Variants in ELL observed in about 807,000 individuals in gnomAD.
ELL encodes the protein elongation factor for RNA polymerase II.
A neutral mutation model predicts 64.0 loss-of-function variants in ELL; 18 were observed. The observed-to-expected ratio is 0.28, with a 90% CI of 0.19 to 0.42. The LOEUF is 0.42. ELL is among the 10% of genes least tolerant of loss of function. The pLI, the probability that ELL is intolerant of heterozygous loss-of-function variation, is 1.00. For missense variants in ELL, 797 were observed against 870.4 expected, an observed-to-expected ratio of 0.92 and a Z score of 1.06; for synonymous variants, 399 against 376.2, an observed-to-expected ratio of 1.06 and a Z score of -0.70.
intron 4 of ELL, among the ~76,000 whole-genome samples, 192 bp downstream of exon 4, chr19:18,465,220 G>A (rs1974908604): frequency 6.6e-6 from 1 of 152,106 alleles, no homozygotes; most frequent in Non-Finnish European, 1.5e-5. Context: ...TAGCCCCCAG[G>A]CCCATGTGGC....
chr19:18,461,022 G>A (rs16982418), intron 5 of ELL, among the ~76,000 whole-genome samples: 3,933 of 152,280 alleles, frequency 0.026, 108 homozygotes, highest in African/African-American at 0.071. Context: ...AATGCCCGGG[G>A]TGTTTCTCAA....
At chr19:18,492,203 C>T (rs1056594584) in intron 1 of ELL, among the ~76,000 whole-genome samples, 6 of 152,150 alleles carry the variant, frequency 3.9e-5, no homozygotes, top group Admixed American at 1.3e-4. Flanking sequence ...CATGGGGTTA[C>T]CTACCTCTGT....
intron 1 of ELL, among the ~76,000 whole-genome samples, chr19:18,476,956 C>A (rs911653050): frequency 1.3e-5 from 2 of 152,146 alleles, no homozygotes; most frequent in African/African-American, 4.8e-5. Flanking sequence ...CTCATAAGAA[C>A]GCCATGTGGT....
rs1336304048 is a variant in ELL, at chr19:18,444,599, C to A, written c.*153G>T. On this transcript the variant is annotated 3_prime_UTR_variant, in exon 12 of 12. Transcript: ENST00000262809. ...AGGGCCGAGGTGGGCTTGCAGCCAC[C>A]CGCCAGGGCCAGACGTCTGCAGGGG... is the stretch of plus-strand genomic sequence containing the variant. 9.0e-6 allele frequency: 7 copies of A among 780,968 alleles called. No individual in the cohort carries two copies. The highest frequency in any genetic ancestry group is 6.6e-4 in the Middle Eastern group (2 of 3,010). 48.4% of individuals were successfully genotyped at this position (780,968 alleles called of 1,614,324 possible).
chr19:18,456,137 C>T (rs921628533), intron 6 of ELL, among the ~76,000 whole-genome samples: 1 of 151,784 alleles, frequency 6.6e-6, no homozygotes, highest in African/African-American at 2.4e-5. Context: ...AAGAGGAGGA[C>T]AGACTCTAGC....
chr19:18,509,589 G>GCA (rs1975962219), intron 1 of ELL, among the ~76,000 whole-genome samples: 4 of 110,144 alleles, frequency 3.6e-5, no homozygotes, highest in African/African-American at 8.8e-5. Flanking sequence ...ACGTGCGCGC[G>GCA]CGCGCACATA....
intron 1 of ELL, among the ~76,000 whole-genome samples, chr19:18,508,545 G>A (rs1244058129): frequency 6.6e-6 from 1 of 152,240 alleles, no homozygotes; most frequent in Non-Finnish European, 1.5e-5. Flanking sequence ...AGGCTTCACA[G>A]GGCTGCCTGG....
chr19:18,496,289 G>A (rs1033010557), intron 1 of ELL, among the ~76,000 whole-genome samples: 8 of 152,366 alleles, frequency 5.3e-5, no homozygotes, highest in African/African-American at 1.2e-4. Flanking sequence ...AGAGGTGGCC[G>A]GGCCACTGCC....
chr19:18,474,201 A>G (rs1018743755), intron 1 of ELL, among the ~76,000 whole-genome samples: 6 of 152,238 alleles, frequency 3.9e-5, no homozygotes, highest in African/African-American at 1.4e-4. Context: ...TGCTAGGAGC[A>G]GCGGAAGCCG....
chr19:18,516,041 G>A (rs1976120601), intron 1 of ELL, among the ~76,000 whole-genome samples: 1 of 152,174 alleles, frequency 6.6e-6, no homozygotes, highest in Non-Finnish European at 1.5e-5. Context: ...CTGAAAAGCA[G>A]GCAGGGCTGG....
At chr19:18,516,651 G>A (rs1168204910) in intron 1 of ELL, among the ~76,000 whole-genome samples, 3 of 152,092 alleles carry the variant, frequency 2.0e-5, no homozygotes, top group African/African-American at 7.2e-5. Context: ...CGAACCTCCA[G>A]GCAGGGACCA....
intron 1 of ELL, among the ~76,000 whole-genome samples, chr19:18,504,151 T>C (rs1975837479): frequency 6.6e-6 from 1 of 152,330 alleles, no homozygotes; most frequent in South Asian, 2.1e-4. Flanking sequence ...CACTTCATTT[T>C]GGCCTCCTCA....
In ELL at chr19:18,498,127, CAAAAA is replaced by C. The variant is rs796220206; in HGVS notation, c.135+23789_135+23793del. ...GGGCAACAAGAGCGAAACTTGGTCT[CAAAAA>C]AAAAAAAATGTCAGTGCAGGCTCAT... On this transcript the variant is annotated intron_variant, in intron 1 of 11. Coordinates refer to ENST00000262809, the MANE Select transcript of ELL (RefSeq NM_006532.4). 7.4e-5 allele frequency among the ~76,000 whole-genome samples: 10 copies of C among 134,958 alleles called. No homozygotes were observed. The Admixed American group carries it at 7.5e-4, about 10-fold the overall frequency. The allele number at this position is 134,958 out of a possible 152,430, so 88.5% of individuals were successfully genotyped here.
At chr19:18,498,248 A>G (rs1471296100) in intron 1 of ELL, among the ~76,000 whole-genome samples, 1 of 152,166 alleles carries the variant, frequency 6.6e-6, no homozygotes, top group Non-Finnish European at 1.5e-5. Context: ...AGAAGTATAT[A>G]GGAACTCTAC....
intron 1 of ELL, among the ~76,000 whole-genome samples, chr19:18,496,171 G>A (rs1247601801): frequency 6.6e-6 from 1 of 152,218 alleles, no homozygotes; most frequent in African/African-American, 2.4e-5. Flanking sequence ...CCCCACAAAA[G>A]CACCTTTCAG....
intron 1 of ELL, among the ~76,000 whole-genome samples, chr19:18,494,455 G>A (rs1188177983): frequency 5.3e-5 from 8 of 151,558 alleles, no homozygotes; most frequent in African/African-American, 7.3e-5. Flanking sequence ...ATGCAGTGGC[G>A]CGATCTCTGC....
At chr19:18,482,308 CTTTTTTTTTT>C (rs530594631) in intron 1 of ELL, among the ~76,000 whole-genome samples, 26 of 77,566 alleles carry the variant, frequency 3.4e-4, no homozygotes, top group African/African-American at 1.0e-3. Flanking sequence ...CTTTTCATTC[CTTTTTTTTTT>C]TTTTTTTTTT....
chr19:18,479,708 CAAA>C (rs60371809), intron 1 of ELL, among the ~76,000 whole-genome samples: 5 of 72,830 alleles, frequency 6.9e-5, no homozygotes, highest in African/African-American at 1.6e-4. Context: ...GACTCCATCT[CAAA>C]AAAAAAAAAA....
At chr19:18,467,087 G>A (rs968472584) in intron 2 of ELL, among the ~76,000 whole-genome samples, 1 of 152,206 alleles carries the variant, frequency 6.6e-6, no homozygotes, top group Non-Finnish European at 1.5e-5. Context: ...CCCTGGGGTA[G>A]TGTTTGGACA....
Sources: allele counts gnomAD v4.1 joint callset (sites outside exome capture counted in the v4.1 genomes callset), GRCh38; gene constraint gnomAD v4.1.1; transcripts MANE v1.5; gene names NCBI Gene and HGNC (gene_info 2026-07-23, HGNC 2026-07-21).